AGBL3: variants seen among roughly 807,000 people sequenced by gnomAD.
The protein encoded by AGBL3 is cytosolic carboxypeptidase 3.
A neutral mutation model predicts 94.5 loss-of-function variants in AGBL3; 68 were observed. The observed-to-expected ratio is 0.72, with a 90% CI of 0.59 to 0.88. AGBL3 has a LOEUF of 0.88. Ranked by LOEUF, AGBL3 falls within the 40% of genes least tolerant of loss-of-function variation. AGBL3 has a pLI of 0.00. For missense variants in AGBL3, 934 were observed against 1,103.8 expected (o/e 0.85, Z 2.18); for synonymous variants, 354 against 370.7 (o/e 0.95, Z 0.52).
intron 15 of AGBL3, among the ~76,000 whole-genome samples, chr7:135,103,976 T>C (rs1310540281): frequency 1.3e-5 from 2 of 152,138 alleles, no homozygotes; most frequent in Non-Finnish European, 2.9e-5. Flanking sequence ...TAGGTAAACT[T>C]ATATAGGTAA....
chr7:135,017,570 AAAGAG>A (rs1813949936), intron 5 of AGBL3, among the ~76,000 whole-genome samples: 1 of 152,216 alleles, frequency 6.6e-6, no homozygotes, highest in Non-Finnish European at 1.5e-5. Flanking sequence ...ATAATCTTTA[AAAGAG>A]AAACAACTGC....
chr7:135,006,436 G>T (rs575185475), intron 4 of AGBL3, among the ~76,000 whole-genome samples: 1 of 151,998 alleles, frequency 6.6e-6, no homozygotes, highest in Non-Finnish European at 1.5e-5. Context: ...GCAATGTATA[G>T]AAAAACTAGC....
Position 135,049,035 on chromosome 7 carries a change from C to G in AGBL3, c.1841+3124C>G, listed in dbSNP as rs1032002522. 9.2e-5 allele frequency among the ~76,000 whole-genome samples: 14 copies of G among 151,588 alleles called. No homozygotes were observed. In the Admixed American group the frequency reaches 9.2e-4, roughly 10 times the overall value. ...CTTTTTCCTGATCTTAGAGTAAAAG[C>G]CTTCAGTTTTTTACCTTTAAGTATG... On this transcript the variant is annotated intron_variant, in intron 11 of 16. Coordinates refer to ENST00000436302, the MANE Select transcript of AGBL3 (RefSeq NM_178563.4).
At position 135,035,422 on chromosome 7, in the gene AGBL3, C is replaced by G. The variant is rs530916611; in HGVS notation, c.1337+494C>G. On this transcript the variant is annotated intron_variant, in intron 7 of 16. Coordinates refer to ENST00000436302, the MANE Select transcript of AGBL3 (RefSeq NM_178563.4). ...TTCCAAGAAAGAGAAATATCTTAAT[C>G]CGGTTAATCATACACAGGTAAGTAG... 5.3e-5 allele frequency among the ~76,000 whole-genome samples: 8 copies of G among 151,978 alleles called. No homozygotes were observed. In the South Asian group the frequency reaches 1.7e-3, roughly 31 times the overall value.
rs531251391 is a variant in AGBL3, at chr7:135,082,714, T to C, written c.2110+924T>C. On this transcript the variant is annotated intron_variant, in intron 15 of 16. Transcript: ENST00000436302. ...TCTTCACTTATTATTTGGTTCATTGTGCTTGACCTTAAATTTATTCCTGTT... is the reference window on the plus strand; with the variant it reads ...TCTTCACTTATTATTTGGTTCATTGCGCTTGACCTTAAATTTATTCCTGTT... Among the ~76,000 whole-genome samples the C allele has an allele frequency of 5.3e-5, 8 of 152,304 alleles. No individual in the cohort carries two copies. In the South Asian group the frequency reaches 8.3e-4, roughly 16 times the overall value.
In AGBL3 at chr7:135,082,660, G is replaced by C. The variant is rs11764150; in HGVS notation, c.2110+870G>C. Among the ~76,000 whole-genome samples, 5 of 151,854 alleles carry C rather than the reference G, an allele frequency of 3.3e-5. No homozygotes were observed. The South Asian group carries it at 1.0e-3, about 32-fold the overall frequency. The stretch of plus-strand genomic sequence containing the variant: ...AACGTTTTATTTTCATAGTGCTACC[G>C]CTAAGTTGTATCTCCTCCATTCTCT... On this transcript the variant is annotated intron_variant, in intron 15 of 16. Coordinates refer to ENST00000436302, the MANE Select transcript of AGBL3 (RefSeq NM_178563.4).
intron 12 of AGBL3, among the ~76,000 whole-genome samples, chr7:135,066,336 T>A (rs548335970): frequency 6.6e-6 from 1 of 152,308 alleles, no homozygotes; most frequent in African/African-American, 2.4e-5. Context: ...TAGACATTTC[T>A]CCAAGGAAGA....
At chr7:134,999,670 G>A (rs1252059002) in intron 4 of AGBL3, among the ~76,000 whole-genome samples, 2 of 152,168 alleles carry the variant, frequency 1.3e-5, no homozygotes, top group Admixed American at 6.5e-5. Context: ...GCCCCACATG[G>A]GGCATCTAAT....
rs557811248 is a variant in AGBL3, at chr7:135,073,406, G to C, written c.1909-2991G>C. Among the ~76,000 whole-genome samples, 3 of 152,196 alleles carry C rather than the reference G, an allele frequency of 2.0e-5. No individual in the cohort carries two copies. In the East Asian group the frequency reaches 5.8e-4, roughly 29 times the overall value. On this transcript the variant is annotated intron_variant, in intron 12 of 16. Transcript: ENST00000436302. ...AAATCACTTGAACTTGGGAAGTGCA[G>C]GTTGCAGTGAGTTGAGACTGTGCCA...
intron 15 of AGBL3, among the ~76,000 whole-genome samples, chr7:135,084,337 G>T (rs58588406): frequency 0.031 from 4,786 of 152,020 alleles, 245 homozygotes; most frequent in African/African-American, 0.11. Flanking sequence ...TCATTTCTTT[G>T]TGTTTGGTAC....
At chr7:135,121,908 T>C (rs1262482311) in intron 16 of AGBL3, among the ~76,000 whole-genome samples, 1 of 152,114 alleles carries the variant, frequency 6.6e-6, no homozygotes, top group African/African-American at 2.4e-5. Context: ...AACCTATAGA[T>C]TGGAAGATCC....
chr7:135,107,276 T>G (rs1278587841), intron 15 of AGBL3, among the ~76,000 whole-genome samples: 1 of 152,234 alleles, frequency 6.6e-6, no homozygotes, highest in African/African-American at 2.4e-5. Context: ...GGTTTGCTCC[T>G]GCTTCTCTAG....
chr7:135,021,635 A>T (rs1364050676), intron 5 of AGBL3, among the ~76,000 whole-genome samples: 2 of 148,140 alleles, frequency 1.4e-5, no homozygotes, highest in Non-Finnish European at 3.0e-5. Context: ...TTAATTTTGG[A>T]AGATACACAG....
At chr7:135,128,935 G>T in intron 16 of AGBL3, 1 of 1,557,764 alleles carries the variant, frequency 6.4e-7, no homozygotes, top group Non-Finnish European at 8.9e-7. Flanking sequence ...TGCAATATCT[G>T]TTTCTGTAAG....
At chr7:135,013,735 G>T (rs149460547) in intron 4 of AGBL3, among the ~76,000 whole-genome samples, 1 of 152,144 alleles carries the variant, frequency 6.6e-6, no homozygotes, top group South Asian at 2.1e-4. Flanking sequence ...AAAGTGGAGA[G>T]ACATAAAAAA....
At chr7:135,023,833 A>C (rs903152589) in intron 5 of AGBL3, among the ~76,000 whole-genome samples, 7 of 152,214 alleles carry the variant, frequency 4.6e-5, no homozygotes, top group Non-Finnish European at 7.4e-5. Flanking sequence ...TCCTCTGCCC[A>C]ACCTGGGTGC....
chr7:135,080,215 G>C lies in AGBL3; in HGVS notation c.1993G>C (p.Gly665Arg). The change falls in exon 14 of 17, where the codon GGG (glycine) becomes CGG (arginine). Residue 665 changes from glycine to arginine, a missense_variant. By Grantham distance (125) the Gly-to-Arg change is moderately radical. Coordinates refer to ENST00000436302, the MANE Select transcript of AGBL3 (RefSeq NM_178563.4). ...NARGQEVYDR[G>R]HLLQRHTQSN... The stretch of plus-strand genomic sequence containing the variant: ...TACATTCCATTAGGTTTATGATAGA[G>C]GGCATTTGCTGCAAAGACACACACA... The C allele has an allele frequency of 6.5e-7, 1 of 1,548,688 alleles. No homozygotes were observed. Among genetic ancestry groups the C allele is most frequent in the African/African-American group, 1.4e-5 (1 of 73,078 alleles).
At chr7:135,070,684 G>A (rs148340259) in intron 12 of AGBL3, among the ~76,000 whole-genome samples, 17,933 of 151,604 alleles carry the variant, frequency 0.12, 1,175 homozygotes, top group East Asian at 0.18. Flanking sequence ...AATGCTTCAT[G>A]CTAAAAACTC....
intron 8 of AGBL3, among the ~76,000 whole-genome samples, chr7:135,042,022 C>G (rs986437902): frequency 6.6e-6 from 1 of 152,036 alleles, no homozygotes; most frequent in Non-Finnish European, 1.5e-5. Context: ...ACTGACAATC[C>G]CAAGTTCTAA....
Sources: gnomAD v4.1 joint callset for allele counts (sites outside exome capture counted in the v4.1 genomes callset) on GRCh38, gnomAD v4.1.1 for gene constraint, MANE v1.5 for transcripts, NCBI Gene and HGNC (gene_info 2026-07-23, HGNC 2026-07-21) for gene names.